The following MYH14 variants were observed in gnomAD, a reference collection of about 807,000 sequenced individuals.
The protein encoded by MYH14 is myosin-14.
MYH14 carries 123 observed loss-of-function variants against 255.5 expected under a neutral mutation model. The ratio of observed to expected loss-of-function variants is 0.48; its 90% CI spans 0.42 to 0.56. MYH14 has a LOEUF of 0.56. MYH14 is among the 20% of genes least tolerant of loss of function. MYH14 has a pLI of 0.00. For synonymous variants in MYH14, 1,095 were observed against 1,161.2 expected (o/e 0.94, Z 1.16); for missense variants, 2,423 against 2,802.3 (o/e 0.86, Z 3.06).
intron 39 of MYH14, among the ~76,000 whole-genome samples, chr19:50,299,598 T>TGG (rs2036406734): frequency 7.2e-6 from 1 of 139,164 alleles, no homozygotes. Context: ...AAAAAAAATT[T>TGG]TAAAGGAATA....
intron 10 of MYH14, among the ~76,000 whole-genome samples, chr19:50,234,021 A>G (rs1324190524): frequency 6.6e-6 from 1 of 150,954 alleles, no homozygotes; most frequent in East Asian, 2.0e-4. Flanking sequence ...GGTTTCACTA[A>G]GTTGGCCAGG....
chr19:50,273,327 T>A (rs2123396419), intron 27 of MYH14, among the ~76,000 whole-genome samples: 1 of 150,982 alleles, frequency 6.6e-6, no homozygotes, highest in African/African-American at 2.4e-5. Context: ...GAGCTATTTC[T>A]TCCTCTTCCC....
At chr19:50,220,580 G>C (rs1044387374) in intron 3 of MYH14, among the ~76,000 whole-genome samples, 1 of 150,348 alleles carries the variant, frequency 6.7e-6, no homozygotes, top group Non-Finnish European at 1.5e-5. Context: ...TTTTGAGACA[G>C]AGTCTCACTC....
chr19:50,271,328 A>G (rs2123388734), intron 24 of MYH14, 81 bp from the exon 25 acceptor site: 1 of 1,468,720 alleles, frequency 6.8e-7, no homozygotes, highest in South Asian at 1.3e-5. Flanking sequence ...TCCGTGGGCC[A>G]GCCATCCCCG....
chr19:50,295,378 A>G (rs1367002913), intron 39 of MYH14, among the ~76,000 whole-genome samples: 1 of 152,136 alleles, frequency 6.6e-6, no homozygotes, highest in Admixed American at 6.5e-5. Context: ...ATGGTGGCTC[A>G]TGCCTGTAAT....
chr19:50,242,151 A>G (rs630283), intron 10 of MYH14, among the ~76,000 whole-genome samples: 78,226 of 151,898 alleles, frequency 0.51, 20,661 homozygotes, highest in African/African-American at 0.63. Context: ...TGACGTCCAG[A>G]AACACCCGAC....
intron 3 of MYH14, among the ~76,000 whole-genome samples, chr19:50,222,355 C>T (rs1005749960): frequency 3.5e-4 from 53 of 151,850 alleles, no homozygotes; most frequent in African/African-American, 1.2e-3. Context: ...TGGTGGGCGC[C>T]TCTAGTCCCA....
chr19:50,282,502 A>C (rs13344952), intron 33 of MYH14, among the ~76,000 whole-genome samples: 1 of 151,864 alleles, frequency 6.6e-6, no homozygotes, highest in Non-Finnish European at 1.5e-5. Flanking sequence ...AGGAGTTCAC[A>C]ACCAGCATGG....
At chr19:50,259,962 G>A (rs1323187766) in intron 19 of MYH14, among the ~76,000 whole-genome samples, 1 of 152,220 alleles carries the variant, frequency 6.6e-6, no homozygotes, top group East Asian at 1.9e-4. Context: ...TACAGCAAAT[G>A]TAACAAAAAT....
chr19:50,233,976 C>T (rs1477921373), intron 10 of MYH14, among the ~76,000 whole-genome samples: 1 of 151,890 alleles, frequency 6.6e-6, no homozygotes, highest in Non-Finnish European at 1.5e-5. Context: ...TGCCACCACA[C>T]CCGGCTAATT....
intron 26 of MYH14, 84 bp downstream of exon 26, chr19:50,272,056 T>C: frequency 6.5e-7 from 1 of 1,530,282 alleles, no homozygotes; most frequent in Non-Finnish European, 8.9e-7. Context: ...AGGGCCTCAG[T>C]GGCTGTGTCT....
chr19:50,308,534 C>G (rs1012828096), intron 41 of MYH14: 10 of 154,796 alleles, frequency 6.5e-5, no homozygotes, highest in Non-Finnish European at 1.1e-4. Context: ...GAAGGCTGAA[C>G]GATAAGAAAT....
At chr19:50,306,234 C>T (rs986920967) in intron 40 of MYH14, among the ~76,000 whole-genome samples, 17 of 152,144 alleles carry the variant, frequency 1.1e-4, no homozygotes, top group African/African-American at 3.1e-4. Context: ...AGCTGGAGAT[C>T]GTGCCTTTGC....
chr19:50,263,502 C>A, intron 22 of MYH14, 82 bp downstream of exon 22: 1 of 931,984 alleles, frequency 1.1e-6, no homozygotes, highest in Non-Finnish European at 1.6e-6. Flanking sequence ...TGACTTCCTC[C>A]ATGTGGGCCT....
rs1030556511 is a variant in MYH14 at position 50,248,993 on chromosome 19, T to C, written c.1336T>C (p.Phe446Leu). Residue 446 changes from phenylalanine (F) to leucine (L), a missense_variant, in exon 13 of 43, where the codon TTC (phenylalanine) becomes CTC (leucine). By Grantham distance (22) the Phe-to-Leu change is conservative. Coordinates refer to ENST00000642316, the MANE Select transcript of MYH14 (RefSeq NM_001145809.2). Reference sequence around the variant, plus strand: ...CATGAGCCCTGTCCCACAGGCTGACTTCGCGCTGGAGGCCCTGGCCAAGGC... The same window carrying C: ...CATGAGCCCTGTCCCACAGGCTGACCTCGCGCTGGAGGCCCTGGCCAAGGC... Reference protein sequence around the residue: ...QKAQTKEQADFALEALAKATY... With the variant: ...QKAQTKEQADLALEALAKATY... The C allele has an allele frequency of 1.9e-6, 3 of 1,613,554 alleles. No individual in the cohort carries two copies. The highest frequency in any genetic ancestry group is 3.3e-4 in the Middle Eastern group (2 of 5,978).
At chr19:50,244,377 C>G in intron 11 of MYH14, 40 bp downstream of exon 11, 1 of 1,571,806 alleles carries the variant, frequency 6.4e-7, no homozygotes, top group Non-Finnish European at 8.7e-7. Flanking sequence ...CTCCAGCCCC[C>G]GCCCAGGTGG....
At chr19:50,225,204 G>A (rs1353511465) in intron 6 of MYH14, among the ~76,000 whole-genome samples, 1 of 152,154 alleles carries the variant, frequency 6.6e-6, no homozygotes, top group Non-Finnish European at 1.5e-5. Flanking sequence ...AGTTTGGTGT[G>A]CATCCTTGCA....
intron 1 of MYH14, among the ~76,000 whole-genome samples, chr19:50,204,839 G>A (rs978752964): frequency 6.6e-6 from 1 of 152,082 alleles, no homozygotes; most frequent in Non-Finnish European, 1.5e-5. Context: ...AGGCTGCAGT[G>A]AGCCATGATC....
intron 33 of MYH14, among the ~76,000 whole-genome samples, chr19:50,283,652 A>T (rs8104568): frequency 0.024 from 3,715 of 152,294 alleles, 155 homozygotes; most frequent in African/African-American, 0.084. Context: ...CCTAATGACC[A>T]GTGACGTTGA....
Sources: allele counts gnomAD v4.1 joint callset (sites outside exome capture counted in the v4.1 genomes callset), GRCh38; gene constraint gnomAD v4.1.1; transcripts MANE v1.5; gene names NCBI Gene and HGNC (gene_info 2026-07-23, HGNC 2026-07-21).